The following ZNF704 variants were observed in gnomAD, a reference collection of about 807,000 sequenced individuals.
The protein encoded by ZNF704 is glucocorticoid induced gene 1.
A neutral mutation model predicts 44.7 loss-of-function variants in ZNF704; 10 were observed. That is an observed-to-expected ratio of 0.22 (90% CI 0.14 to 0.38). The LOEUF (loss-of-function observed/expected upper bound fraction) is 0.38. Ranked by LOEUF, ZNF704 falls within the 10% of genes least tolerant of loss-of-function variation. ZNF704 has a pLI of 1.00. For synonymous variants in ZNF704, 211 were observed against 207.6 expected, an observed-to-expected ratio of 1.02 and a Z score of -0.14; for missense variants, 390 against 545.5, an observed-to-expected ratio of 0.71 and a Z score of 2.84.
At chr8:80,814,518 G>A (rs190614641) in intron 2 of ZNF704, among the ~76,000 whole-genome samples, 1 of 152,276 alleles carries the variant, frequency 6.6e-6, no homozygotes, top group East Asian at 1.9e-4. Flanking sequence ...TGAAATGATG[G>A]GAAGAGATAA....
intron 7 of ZNF704, chr8:80,645,180 C>T (rs758181122): frequency 4.4e-4 from 704 of 1,585,642 alleles, no homozygotes; most frequent in East Asian, 7.0e-4. Context: ...CATGATCGCT[C>T]GGTTTGCTAG....
chr8:80,760,591 G>A (rs1204773709), intron 2 of ZNF704, among the ~76,000 whole-genome samples: 1 of 150,104 alleles, frequency 6.7e-6, no homozygotes, highest in Non-Finnish European at 1.5e-5. Context: ...AGGAGGCAGA[G>A]GTTGCAGTGA....
chr8:80,687,672 A>C (rs1202824947), intron 3 of ZNF704, among the ~76,000 whole-genome samples: 1 of 152,146 alleles, frequency 6.6e-6, no homozygotes, highest in Non-Finnish European at 1.5e-5. Flanking sequence ...TAACCTCATG[A>C]TAATAGGTTT....
At chr8:80,856,781 A>G (rs1808969579) in intron 1 of ZNF704, among the ~76,000 whole-genome samples, 1 of 152,220 alleles carries the variant, frequency 6.6e-6, no homozygotes, top group Non-Finnish European at 1.5e-5. Flanking sequence ...GAAATCAAGT[A>G]GATTAAGTCT....
chr8:80,849,670 A>G (rs2129994563), intron 1 of ZNF704, among the ~76,000 whole-genome samples: 1 of 152,316 alleles, frequency 6.6e-6, no homozygotes, highest in South Asian at 2.1e-4. Flanking sequence ...CTCAATTTGC[A>G]AGAGAGTGAG....
chr8:80,783,869 T>C (rs1586024962), intron 2 of ZNF704, among the ~76,000 whole-genome samples: 1 of 152,264 alleles, frequency 6.6e-6, no homozygotes, highest in East Asian at 1.9e-4. Flanking sequence ...AAATCCTCTG[T>C]GTTCTCTCTA....
intron 1 of ZNF704, among the ~76,000 whole-genome samples, chr8:80,856,241 G>C (rs934547760): frequency 6.6e-6 from 1 of 152,088 alleles, no homozygotes; most frequent in Non-Finnish European, 1.5e-5. Flanking sequence ...TTATAGCTAT[G>C]AGCCACCGTG....
At chr8:80,741,312 G>A (rs146912785) in intron 2 of ZNF704, among the ~76,000 whole-genome samples, 6,265 of 152,210 alleles carry the variant, frequency 0.041, 452 homozygotes, top group African/African-American at 0.14. Flanking sequence ...GCTTGCCAAC[G>A]GGGCAAGACT....
the ZNF704 span, among the ~76,000 whole-genome samples, chr8:80,881,496 C>T: frequency 1.5e-4 from 23 of 152,044 alleles, no homozygotes; most frequent in Admixed American, 7.9e-4. Flanking sequence ...TAATACATAG[C>T]GTAAAAAAAA....
chr8:80,850,017 T>C (rs1238190263), intron 1 of ZNF704, among the ~76,000 whole-genome samples: 1 of 152,204 alleles, frequency 6.6e-6, no homozygotes. Flanking sequence ...AAATATTTTA[T>C]TGTATTCATA....
intron 2 of ZNF704, among the ~76,000 whole-genome samples, chr8:80,782,054 T>A (rs1807532825): frequency 6.6e-6 from 1 of 152,314 alleles, no homozygotes; most frequent in South Asian, 2.1e-4. Flanking sequence ...TATTAGGAAA[T>A]TACTGCTTAG....
chr8:80,751,945 T>C (rs755670265), intron 2 of ZNF704, among the ~76,000 whole-genome samples: 1 of 152,120 alleles, frequency 6.6e-6, no homozygotes, highest in Non-Finnish European at 1.5e-5. Context: ...GGTTTCACCA[T>C]GTTGGCCAGG....
At chr8:80,726,858 G>GAC (rs1384306022) in intron 2 of ZNF704, among the ~76,000 whole-genome samples, 1 of 136,004 alleles carries the variant, frequency 7.4e-6, no homozygotes, top group Non-Finnish European at 1.6e-5. Context: ...CACACACACA[G>GAC]ACACACACAG....
At position 80,821,494 on chromosome 8, in the gene ZNF704, G is replaced by T. The variant is rs559447718; in HGVS notation, c.101C>A (p.Thr34Lys). Residue 34 changes from threonine (T) to lysine (K), a missense_variant, in exon 2 of 9, where the codon ACA becomes AAA. Transcript: ENST00000327835. Reference sequence around the variant, plus strand: ...CCGGCTGGCTTTTTTGGTGTCTGCTGTTTTCACATCTTCCTCCATGGCCAA... The same window carrying T: ...CCGGCTGGCTTTTTTGGTGTCTGCTTTTTTCACATCTTCCTCCATGGCCAA... ...FSLAMEEDVK[T>K]ADTKKASRIL... 1 of 1,614,102 alleles carries T rather than the reference G, an allele frequency of 6.2e-7. No individual in the cohort carries two copies. Among genetic ancestry groups the T allele is most frequent in the South Asian group, 1.1e-5 (1 of 91,068 alleles).
intron 2 of ZNF704, among the ~76,000 whole-genome samples, chr8:80,811,007 A>G (rs1256042221): frequency 6.6e-6 from 1 of 152,216 alleles, no homozygotes; most frequent in African/African-American, 2.4e-5. Flanking sequence ...AGAGTAGGAA[A>G]AGAGGGAGAG....
At chr8:80,666,849 T>C (rs1020192062) in intron 5 of ZNF704, among the ~76,000 whole-genome samples, 49 of 151,730 alleles carry the variant, frequency 3.2e-4, no homozygotes, top group African/African-American at 1.2e-3. Context: ...GAGTTCATTG[T>C]AGATTCTGGA....
In ZNF704 at chr8:80,789,116, A is replaced by G. The variant is rs140759498; in HGVS notation, c.221+32258T>C. On this transcript the variant is annotated intron_variant, in intron 2 of 8. Coordinates refer to ENST00000327835, the MANE Select transcript of ZNF704 (RefSeq NM_001033723.3). ...TACAATGATCAATGCTAAAACCAAGAGAAACCATAAGAAAACAACTCCAAA... is the reference window on the plus strand; with the variant it reads ...TACAATGATCAATGCTAAAACCAAGGGAAACCATAAGAAAACAACTCCAAA... Among the ~76,000 whole-genome samples the G allele has an allele frequency of 5.0e-3, 758 of 152,344 alleles. 5 individuals carry two copies. Among genetic ancestry groups the G allele is most frequent in the African/African-American group, 0.017 (717 of 41,588 alleles).
At position 80,664,951 on chromosome 8, in the gene ZNF704, G is replaced by A; in HGVS notation, c.791C>T (p.Ser264Leu). Residue 264 changes from serine to leucine, a missense_variant, in exon 6 of 9, where the codon TCA (serine) becomes TTA (leucine). By Grantham distance (145) the Ser-to-Leu change is moderately radical. Coordinates refer to ENST00000327835, the MANE Select transcript of ZNF704 (RefSeq NM_001033723.3). ...APVSPSQSLA[S>L]PPTFPIPDSS... is the part of the protein sequence containing the mutation. Reference sequence around the variant, plus strand: ...ATCTGGGATGGGGAAAGTAGGAGGTGAAGCCAGGGACTGGGAAGGTGAGAC... The same window carrying A: ...ATCTGGGATGGGGAAAGTAGGAGGTAAAGCCAGGGACTGGGAAGGTGAGAC... The A allele has an allele frequency of 6.2e-7, 1 of 1,614,212 alleles. No individual in the cohort carries two copies. The highest frequency in any genetic ancestry group is 8.5e-7 in the Non-Finnish European group (1 of 1,180,038).
chr8:80,755,207 C>T (rs551625780), intron 2 of ZNF704, among the ~76,000 whole-genome samples: 1 of 152,272 alleles, frequency 6.6e-6, no homozygotes, highest in East Asian at 1.9e-4. Context: ...TAGCTCACAC[C>T]TGTAATCCCA....
Sources: gnomAD v4.1 joint callset for allele counts (sites outside exome capture counted in the v4.1 genomes callset) on GRCh38, gnomAD v4.1.1 for gene constraint, MANE v1.5 for transcripts, NCBI Gene and HGNC (gene_info 2026-07-23, HGNC 2026-07-21) for gene names.